The following MYH1 variants were observed in gnomAD, a reference collection of about 807,000 sequenced individuals.
MYH1 encodes myosin heavy chain 1, also known as myosin-1.
MYH1 carries 214 observed loss-of-function variants against 225.6 expected under a neutral mutation model. The ratio of observed to expected loss-of-function variants is 0.95; its 90% confidence interval spans 0.85 to 1.06. The LOEUF (loss-of-function observed/expected upper bound fraction) is 1.06, where lower values mean the gene tolerates loss of function less well. Among genes scored for constraint, MYH1 ranks in the 50% least tolerant of loss-of-function variants. MYH1 has a pLI of 0.00. For synonymous variants in MYH1, 774 were observed against 842.3 expected, an observed-to-expected ratio of 0.92 and a Z score of 1.40; for missense variants, 2,098 against 2,344.2, an observed-to-expected ratio of 0.89 and a Z score of 2.17.
intron 22 of MYH1, among the ~76,000 whole-genome samples, chr17:10,504,277 A>G (rs1249315155): frequency 1.3e-5 from 2 of 152,240 alleles, no homozygotes; most frequent in Non-Finnish European, 2.9e-5. Context: ...ATAAAAATAG[A>G]CATTATCTGT....
In MYH1 at chr17:10,498,957, T is replaced by A. The variant is rs759503948; in HGVS notation, c.3984+17A>T. ...ATAACAAGAACAATAATGACAAGAATGACAAGTGGAGCTTACCTTTATCTC... is the reference window on the plus strand; with the variant it reads ...ATAACAAGAACAATAATGACAAGAAAGACAAGTGGAGCTTACCTTTATCTC... On this transcript the variant is annotated intron_variant, in intron 29 of 39. Transcript: ENST00000226207. 43 of 1,604,466 alleles carry A rather than the reference T, an allele frequency of 2.7e-5. No individual in the cohort carries two copies. Among genetic ancestry groups the A allele is most frequent in the Non-Finnish European group, 3.6e-5 (42 of 1,172,504 alleles).
At chr17:10,502,532 T>C (rs896231665) in intron 24 of MYH1, among the ~76,000 whole-genome samples, 1 of 152,194 alleles carries the variant, frequency 6.6e-6, no homozygotes, top group Non-Finnish European at 1.5e-5. Context: ...ACCCGTATTG[T>C]CTATTATTCA....
Position 10,503,258 on chromosome 17 carries a change from G to A in MYH1, c.2692-10C>T, listed in dbSNP as rs200546082. 2.5e-6 allele frequency: 4 copies of A among 1,611,002 alleles called. No individual in the cohort carries two copies. Among genetic ancestry groups the A allele is most frequent in the Non-Finnish European group, 3.4e-6 (4 of 1,179,232 alleles). ...CCAAGCTGTCAGCTTCCTGAGAAGA[G>A]GCAATAGATATTTTAGATTTTATGA... On this transcript the variant is annotated splice_polypyrimidine_tract_variant and intron_variant, in intron 22 of 39. Transcript: ENST00000226207.
rs756281852 is a variant in MYH1, at chr17:10,505,316, T to C, written c.2299-17A>G. ...GAAAAAGACCTATGTGTGGGAAGAA[T>C]TTCAGATCAGAAAATTTACATAAAG... On this transcript the variant is annotated splice_polypyrimidine_tract_variant and intron_variant, in intron 20 of 39. Transcript: ENST00000226207. 6.2e-7 allele frequency: 1 copy of C among 1,614,130 alleles called. No individual in the cohort carries two copies. Among genetic ancestry groups the C allele is most frequent in the Non-Finnish European group, 8.5e-7 (1 of 1,180,032 alleles).
At chr17:10,506,496 C>CTT (rs113019729) in intron 17 of MYH1, among the ~76,000 whole-genome samples, 1 of 145,716 alleles carries the variant, frequency 6.9e-6, no homozygotes. Context: ...TCTTCTTCTT[C>CTT]TTTTTTTTTT....
chr17:10,513,092 A>T, intron 9 of MYH1, 127 bp from the exon 10 acceptor site: 1 of 659,406 alleles, frequency 1.5e-6, no homozygotes, highest in Non-Finnish European at 2.7e-6. Flanking sequence ...GTTCCTGTGA[A>T]GTACCACATA....
Position 10,508,482 on chromosome 17 carries a change from A to G in MYH1, c.1778T>C (p.Ile593Thr), listed in dbSNP as rs773725350. The change falls in exon 16 of 40, where the codon ATT (isoleucine) becomes ACT (threonine). Residue 593 changes from isoleucine to threonine, a missense_variant. Transcript: ENST00000226207. ...IHYAGTVDYN[I>T]AGWLDKNKDP... ...CTTGTTCTTGTCAAGCCAGCCGGCA[A>G]TGTTGTAGTCCACGGTGCCAGCATA... The G allele has an allele frequency of 1.2e-6, 2 of 1,614,166 alleles. No individual in the cohort carries two copies. Among genetic ancestry groups the G allele is most frequent in the East Asian group, 4.5e-5 (2 of 44,878 alleles).
chr17:10,515,393 A>AG (rs532802854), intron 5 of MYH1, among the ~76,000 whole-genome samples: 1 of 152,200 alleles, frequency 6.6e-6, no homozygotes, highest in African/African-American at 2.4e-5. Flanking sequence ...AATCTTTCTA[A>AG]GGGGGGAAAA....
intron 17 of MYH1, among the ~76,000 whole-genome samples, chr17:10,507,406 T>C (rs941264529): frequency 6.6e-6 from 1 of 152,186 alleles, no homozygotes; most frequent in Non-Finnish European, 1.5e-5. Context: ...TCTGGTTTCT[T>C]ATTTCCTTCT....
intron 17 of MYH1, among the ~76,000 whole-genome samples, chr17:10,506,654 A>G (rs2073115345): frequency 1.3e-5 from 2 of 151,910 alleles, no homozygotes; most frequent in South Asian, 4.2e-4. Flanking sequence ...CACCACCCCC[A>G]GCTAATTTTT....
In MYH1 at chr17:10,503,994, T is replaced by C. The variant is rs74740769; in HGVS notation, c.2692-746A>G. Among the ~76,000 whole-genome samples, 133 of 152,348 alleles carry C rather than the reference T, an allele frequency of 8.7e-4. 2 individuals carry two copies. The East Asian group carries it at 0.011, about 12-fold the overall frequency. On this transcript the variant is annotated intron_variant, in intron 22 of 39. Coordinates refer to ENST00000226207, the MANE Select transcript of MYH1 (RefSeq NM_005963.4). Reference sequence around the variant, plus strand: ...AAAGTCACAGTACCAACCTAGGTATTTGCAATTCATCATACTTTAGATTTT... The same window carrying C: ...AAAGTCACAGTACCAACCTAGGTATCTGCAATTCATCATACTTTAGATTTT...
intron 37 of MYH1, 94 bp from the exon 38 acceptor site, chr17:10,494,767 GT>G: frequency 6.3e-7 from 1 of 1,584,300 alleles, no homozygotes; most frequent in Non-Finnish European, 8.6e-7. Flanking sequence ...TTTATATGTA[GT>G]TTTTAATGCC....
At position 10,492,327 on chromosome 17, in the gene MYH1, T is replaced by C. The variant is rs937453156; in HGVS notation, c.*89A>G. 70 of 1,503,820 alleles carry C rather than the reference T, an allele frequency of 4.7e-5. No homozygotes were observed. The highest frequency in any genetic ancestry group is 5.9e-5 in the Non-Finnish European group (66 of 1,111,548). The allele number at this position is 1,503,820 out of a possible 1,614,324, so 93.2% of individuals were successfully genotyped here. A position where few individuals can be genotyped will look rare whatever the true frequency, so the allele number is the denominator to read the frequency against. The stretch of plus-strand genomic sequence containing the variant: ...ACAAGTTTTTGGCAGATAAATTTTT[T>C]ATCTCCAAAAGTCATAAGTACAAAA... On this transcript the variant is annotated 3_prime_UTR_variant, in exon 40 of 40. Transcript: ENST00000226207.
At position 10,512,406 on chromosome 17, in the gene MYH1, A is replaced by G. The variant is rs2073180071; in HGVS notation, c.1147+2T>C. 3 of 1,613,988 alleles carry G rather than the reference A, an allele frequency of 1.9e-6. No homozygotes were observed. Among genetic ancestry groups the G allele is most frequent in the Non-Finnish European group, 8.5e-7 (1 of 1,179,992 alleles). ...AAACCCAGATGGAGATTCATTTGGT[A>G]CCTTCAGTGCCATCTGGCTCAGCTT... is the stretch of plus-strand genomic sequence containing the variant. On this transcript the variant is annotated splice_donor_variant, in intron 12 of 39. Coordinates refer to ENST00000226207, the MANE Select transcript of MYH1 (RefSeq NM_005963.4). LOFTEE classifies it high-confidence loss of function.
rs769461241 is a variant in MYH1, at chr17:10,502,958, T to C, written c.2935-44A>G. The C allele has an allele frequency of 1.9e-6, 3 of 1,614,048 alleles. No homozygotes were observed. In the Admixed American group the frequency reaches 5.0e-5, roughly 27 times the overall value. On this transcript the variant is annotated intron_variant, in intron 23 of 39. Coordinates refer to ENST00000226207, the MANE Select transcript of MYH1 (RefSeq NM_005963.4). ...CAGCTTAGTTGCTCTAAAGCACCTTTGTTGGGTGGCAGAACCTCTATACAG... is the reference window on the plus strand; with the variant it reads ...CAGCTTAGTTGCTCTAAAGCACCTTCGTTGGGTGGCAGAACCTCTATACAG...
rs2073136329 is a variant in MYH1, at chr17:10,508,347, T to C, written c.1897+16A>G. ...TTTTATACATTAGGTAAAAGATTAA[T>C]TATATTGATAATTACCTGCTTCCGC... On this transcript the variant is annotated intron_variant, in intron 16 of 39. Transcript: ENST00000226207. 2 of 1,577,354 alleles carry C rather than the reference T, an allele frequency of 1.3e-6. No homozygotes were observed. Among genetic ancestry groups the C allele is most frequent in the Admixed American group, 3.7e-5 (2 of 54,000 alleles).
intron 28 of MYH1, among the ~76,000 whole-genome samples, 187 bp downstream of exon 28, chr17:10,500,439 A>G (rs1056079973): frequency 3.3e-5 from 5 of 151,714 alleles, no homozygotes; most frequent in Admixed American, 2.0e-4. Context: ...ATATATACAC[A>G]TATATTTCTC....
rs576935532 is a variant in MYH1 at position 10,516,060 on chromosome 17, A to T, written c.371T>A (p.Val124Asp). The change falls in exon 5 of 40, where the codon GTC becomes GAC. Residue 124 changes from valine to aspartate, a missense_variant. Coordinates refer to ENST00000226207, the MANE Select transcript of MYH1 (RefSeq NM_005963.4). ...MIYTYSGLFC[V>D]TVNPYKWLPV... ...CAACCACTTGTAGGGGTTGACAGTG[A>T]CACAGAACAAGCCTGAGTAGGTCTG... is the stretch of plus-strand genomic sequence containing the variant. 2.5e-6 allele frequency: 4 copies of T among 1,614,052 alleles called. No homozygotes were observed. The highest frequency in any genetic ancestry group is 2.5e-6 in the Non-Finnish European group (3 of 1,179,938).
intron 33 of MYH1, among the ~76,000 whole-genome samples, chr17:10,496,856 A>C (rs1433740236): frequency 6.6e-6 from 1 of 152,226 alleles, no homozygotes; most frequent in Non-Finnish European, 1.5e-5. Context: ...CCTTGAAAGC[A>C]GGGCCTTTAA....
Sources: allele counts gnomAD v4.1 joint callset (sites outside exome capture counted in the v4.1 genomes callset), GRCh38; gene constraint gnomAD v4.1.1; transcripts MANE v1.5; gene names NCBI Gene and HGNC (gene_info 2026-07-23, HGNC 2026-07-21).